MAF: variants seen among roughly 807,000 people sequenced by gnomAD.
MAF encodes the protein transcription factor Maf.
In MAF, 10 loss-of-function variants were observed where a neutral mutation model predicts 22.0. The ratio of observed to expected loss-of-function variants is 0.45; its 90% CI spans 0.28 to 0.77. The LOEUF (loss-of-function observed/expected upper bound fraction) is 0.77, where lower values mean the gene tolerates loss of function less well. Among genes scored for constraint, MAF ranks in the 30% least tolerant of loss-of-function variants. MAF has a pLI of 0.12. For synonymous variants in MAF, 337 were observed against 255.8 expected, an observed-to-expected ratio of 1.32 and a Z score of -3.03; for missense variants, 544 against 548.4, an observed-to-expected ratio of 0.99 and a Z score of 0.08.
chr16:79,335,991 T>C, the MAF span, among the ~76,000 whole-genome samples: 3,753 of 152,194 alleles, frequency 0.025, 152 homozygotes, highest in African/African-American at 0.086. Context: ...TCTGGGGATG[T>C]GGGACGGAGT....
the MAF span, among the ~76,000 whole-genome samples, chr16:79,292,571 A>G: frequency 6.6e-6 from 1 of 152,200 alleles, no homozygotes; most frequent in Non-Finnish European, 1.5e-5. Context: ...AGTATGTATT[A>G]CCAATATAGT....
the MAF span, among the ~76,000 whole-genome samples, chr16:79,578,028 G>C: frequency 6.6e-6 from 1 of 152,184 alleles, no homozygotes; most frequent in South Asian, 2.1e-4. Flanking sequence ...CTTTGTAAAA[G>C]TATTTCCCAA....
chr16:79,504,959 T>A, the MAF span, among the ~76,000 whole-genome samples: 2 of 152,186 alleles, frequency 1.3e-5, no homozygotes, highest in Non-Finnish European at 2.9e-5. Context: ...CCAATTCTGT[T>A]TGGGGGTTGC....
chr16:79,210,410 C>T, the MAF span, among the ~76,000 whole-genome samples: 2 of 152,098 alleles, frequency 1.3e-5, no homozygotes, highest in Non-Finnish European at 2.9e-5. Flanking sequence ...CAGTAAGCAC[C>T]CTGCATGGTC....
At chr16:79,538,871 A>AAAGAAAGAAAGAAAGAAAGAAAG in the MAF span, among the ~76,000 whole-genome samples, 11 of 104,250 alleles carry the variant, frequency 1.1e-4, no homozygotes, top group African/African-American at 3.7e-4. Context: ...AAAAGAAAAG[A>AAAGAAAGAAAGAAAGAAAGAAAG]AAAGAAAGAA....
At chr16:79,469,083 G>C in the MAF span, among the ~76,000 whole-genome samples, 2 of 152,212 alleles carry the variant, frequency 1.3e-5, no homozygotes, top group Admixed American at 6.5e-5. Flanking sequence ...AAGTGCCCAA[G>C]GGCCCAACTC....
the MAF span, among the ~76,000 whole-genome samples, chr16:79,337,480 A>G: frequency 6.6e-6 from 1 of 152,182 alleles, no homozygotes; most frequent in African/African-American, 2.4e-5. Flanking sequence ...AGGCAGAAGA[A>G]TCGCTTGAAC....
the MAF span, among the ~76,000 whole-genome samples, chr16:79,237,327 T>C: frequency 6.6e-6 from 1 of 152,110 alleles, no homozygotes; most frequent in African/African-American, 2.4e-5. Context: ...ACTTTGTCAT[T>C]GGTCACATTA....
chr16:79,371,676 C>T, the MAF span, among the ~76,000 whole-genome samples: 1 of 152,194 alleles, frequency 6.6e-6, no homozygotes, highest in Non-Finnish European at 1.5e-5. Flanking sequence ...TTAGTTCCTC[C>T]TCATCATTCA....
At chr16:79,423,354 G>T in the MAF span, among the ~76,000 whole-genome samples, 2 of 152,132 alleles carry the variant, frequency 1.3e-5, no homozygotes, top group African/African-American at 4.8e-5. Context: ...GGAGGCCAGC[G>T]TGTCCAAGAT....
At chr16:79,481,459 C>T in the MAF span, among the ~76,000 whole-genome samples, 7 of 152,176 alleles carry the variant, frequency 4.6e-5, no homozygotes, top group South Asian at 2.1e-4. Context: ...ATCTACTTCC[C>T]GTCTCTATAG....
the MAF span, among the ~76,000 whole-genome samples, chr16:79,289,854 A>ATTTTTTTT: frequency 1.8e-5 from 1 of 55,636 alleles, no homozygotes; most frequent in Non-Finnish European, 4.0e-5. Context: ...TTGTTTGTGT[A>ATTTTTTTT]TTTTTTTTTT....
chr16:79,335,256 T>C, the MAF span, among the ~76,000 whole-genome samples: 3 of 151,750 alleles, frequency 2.0e-5, no homozygotes, highest in East Asian at 5.8e-4. Context: ...TTGGGGGCTG[T>C]TGGAGAAGGG....
At chr16:79,208,683 C>T in the MAF span, among the ~76,000 whole-genome samples, 3 of 151,768 alleles carry the variant, frequency 2.0e-5, no homozygotes, top group African/African-American at 7.3e-5. Context: ...GCAGTACCTG[C>T]TTGTTTACTA....
chr16:79,401,879 G>C, the MAF span, among the ~76,000 whole-genome samples: 6 of 152,198 alleles, frequency 3.9e-5, no homozygotes, highest in Non-Finnish European at 7.3e-5. Context: ...GTGGTTGGCT[G>C]CCCTGGCTCC....
chr16:79,402,207 C>T, the MAF span, among the ~76,000 whole-genome samples: 31 of 152,232 alleles, frequency 2.0e-4, no homozygotes, highest in South Asian at 4.1e-3. Flanking sequence ...TTCATAAGAC[C>T]TTTAGGAAGC....
the MAF span, among the ~76,000 whole-genome samples, chr16:79,284,115 T>C: frequency 2.5e-3 from 381 of 152,320 alleles, 3 homozygotes; most frequent in Non-Finnish European, 4.3e-3. Context: ...TAGAAATTGC[T>C]GGTATTAAGT....
chr16:79,554,022 G>C, the MAF span, among the ~76,000 whole-genome samples: 1 of 152,178 alleles, frequency 6.6e-6, no homozygotes, highest in Non-Finnish European at 1.5e-5. Flanking sequence ...CCAGGAGGCA[G>C]AGTTTGCAGT....
chr16:79,211,718 G>C, the MAF span: 7 of 1,614,228 alleles, frequency 4.3e-6, no homozygotes, highest in Non-Finnish European at 5.9e-6. Context: ...CAGAAGCTCA[G>C]AGCGAAGAGA....
Sources: gnomAD v4.1 joint callset for allele counts (sites outside exome capture counted in the v4.1 genomes callset) on GRCh38, gnomAD v4.1.1 for gene constraint, MANE v1.5 for transcripts, NCBI Gene and HGNC (gene_info 2026-07-23, HGNC 2026-07-21) for gene names.